The following CDH4 variants were observed in gnomAD, a reference collection of about 807,000 sequenced individuals.
CDH4 encodes the protein cadherin 4.
In CDH4, 33 loss-of-function variants were observed where a neutral mutation model predicts 86.0. That is an observed-to-expected ratio of 0.38 (90% CI 0.29 to 0.51). The LOEUF is 0.51. Ranked by LOEUF, CDH4 falls within the 20% of genes least tolerant of loss-of-function variation. The pLI is 0.86. For synonymous variants in CDH4, 555 were observed against 549.4 expected (o/e 1.01, Z -0.14); for missense variants, 1,114 against 1,307.4 (o/e 0.85, Z 2.28).
rs1383980478 is a variant in CDH4 at position 61,515,887 on chromosome 20, T to C, written c.170-227676T>C. The stretch of plus-strand genomic sequence containing the variant: ...CTCATTTGCTCGCTCGCTCTCTGTT[T>C]CCCGCGTGGCTTGCCCAGTTCCCCT... On this transcript the variant is annotated intron_variant, in intron 2 of 15. Coordinates refer to ENST00000614565, the MANE Select transcript of CDH4 (RefSeq NM_001794.5). 3.3e-5 allele frequency among the ~76,000 whole-genome samples: 5 copies of C among 152,188 alleles called. No homozygotes were observed. The East Asian group carries it at 7.7e-4, about 23-fold the overall frequency.
chr20:61,593,145 T>C (rs2086530246), intron 2 of CDH4, among the ~76,000 whole-genome samples: 1 of 152,212 alleles, frequency 6.6e-6, no homozygotes, highest in East Asian at 1.9e-4. Context: ...CGGTAATGCT[T>C]GTGTGTCAGT....
chr20:61,896,263 G>A (rs1016413979), intron 8 of CDH4, among the ~76,000 whole-genome samples: 2 of 152,188 alleles, frequency 1.3e-5, no homozygotes, highest in African/African-American at 4.8e-5. Flanking sequence ...GGCTAAGAGG[G>A]AGAGGGGAAG....
intron 3 of CDH4, among the ~76,000 whole-genome samples, chr20:61,761,940 G>A (rs190494090): frequency 1.9e-4 from 29 of 152,124 alleles, no homozygotes; most frequent in Admixed American, 1.8e-3. Context: ...AGGCAGCGCC[G>A]CACGGCAGGC....
chr20:61,301,067 C>T (rs532225001), intron 2 of CDH4, among the ~76,000 whole-genome samples: 11 of 152,354 alleles, frequency 7.2e-5, no homozygotes, highest in Middle Eastern at 3.4e-3. Flanking sequence ...GCAGTGTGCC[C>T]GGGGCTGCGC....
At chr20:61,370,838 A>C (rs2084836052) in intron 2 of CDH4, 1 of 152,178 alleles carries the variant, frequency 6.6e-6, no homozygotes, top group Non-Finnish European at 1.5e-5. Flanking sequence ...ATGCGAAATT[A>C]AAGTTGTGCA....
intron 5 of CDH4, among the ~76,000 whole-genome samples, chr20:61,848,834 C>G (rs778435924): frequency 6.6e-6 from 1 of 152,122 alleles, no homozygotes; most frequent in Non-Finnish European, 1.5e-5. Context: ...AGCCCACGTT[C>G]CTGTCTATTT....
intron 4 of CDH4, among the ~76,000 whole-genome samples, chr20:61,837,514 G>C (rs1418448543): frequency 6.6e-6 from 1 of 152,202 alleles, no homozygotes; most frequent in Non-Finnish European, 1.5e-5. Context: ...CTGTGAGATG[G>C]TCAGGTGGGG....
At chr20:61,559,519 C>CTTTTTTTTTTTTTTTTTTTTT (rs1156864328) in intron 2 of CDH4, among the ~76,000 whole-genome samples, 3 of 105,176 alleles carry the variant, frequency 2.9e-5, no homozygotes, top group African/African-American at 8.4e-5. Flanking sequence ...ATTTTTTTTT[C>CTTTTTTTTTTTTTTTTTTTTT]TTTTTTTTTT....
chr20:61,666,284 G>A (rs772249682), intron 2 of CDH4, among the ~76,000 whole-genome samples: 20 of 152,236 alleles, frequency 1.3e-4, no homozygotes, highest in Admixed American at 2.6e-4. Flanking sequence ...CACGGTGCCT[G>A]GAGCTGGGGA....
rs528029478 is a variant in CDH4 at position 61,656,547 on chromosome 20, G to A, written c.170-87016G>A. ...GTCAGGTGTGTGGCTGTTGTGGGGC[G>A]CAGCCTCCCCTGGCTGAGGCGTGGG... On this transcript the variant is annotated intron_variant, in intron 2 of 15. Coordinates refer to ENST00000614565, the MANE Select transcript of CDH4 (RefSeq NM_001794.5). Among the ~76,000 whole-genome samples the A allele has an allele frequency of 5.3e-3, 812 of 152,194 alleles. 3 individuals are homozygous for A. Among genetic ancestry groups the A allele is most frequent in the African/African-American group, 0.019 (776 of 41,518 alleles).
intron 2 of CDH4, among the ~76,000 whole-genome samples, chr20:61,340,726 A>T (rs558525516): frequency 3.9e-5 from 6 of 152,092 alleles, no homozygotes; most frequent in East Asian, 3.9e-4. Flanking sequence ...CTGGGACCAC[A>T]GGCACACACC....
Position 61,514,118 on chromosome 20 carries a change from A to G in CDH4, c.170-229445A>G, listed in dbSNP as rs1467695. On this transcript the variant is annotated intron_variant, in intron 2 of 15. Coordinates refer to ENST00000614565, the MANE Select transcript of CDH4 (RefSeq NM_001794.5). ...TATGTGGCTTAAAAAGGACATCTTGAAGTGAGGGCTGACAGGTCATAGGTG... is the reference window on the plus strand; with the variant it reads ...TATGTGGCTTAAAAAGGACATCTTGGAGTGAGGGCTGACAGGTCATAGGTG... 2.0e-4 allele frequency among the ~76,000 whole-genome samples: 31 copies of G among 152,332 alleles called. No individual in the cohort carries two copies. In the East Asian group the frequency reaches 5.4e-3, roughly 27 times the overall value.
At position 61,293,925 on chromosome 20, in the gene CDH4, A is replaced by G. The variant is rs368509863; in HGVS notation, c.169+38988A>G. 2.0e-4 allele frequency among the ~76,000 whole-genome samples: 30 copies of G among 152,166 alleles called. No homozygotes were observed. In the East Asian group the frequency reaches 4.5e-3, roughly 23 times the overall value. On this transcript the variant is annotated intron_variant, in intron 2 of 15. Coordinates refer to ENST00000614565, the MANE Select transcript of CDH4 (RefSeq NM_001794.5). ...TGCGGGTCCACTTTGTGGTCTGGAC[A>G]TGCCCGTAGGCACAGGGAAGCTGGT...
rs1006764629 is a variant in CDH4 at position 61,516,961 on chromosome 20, G to A, written c.170-226602G>A. ...TAACATGGGGTGTTTTCAATGTATT[G>A]GGATGTCATGCACGCCCTGAAAAAT... is the stretch of plus-strand genomic sequence containing the variant. On this transcript the variant is annotated intron_variant, in intron 2 of 15. Transcript: ENST00000614565. The surrounding 1 kb of genome is among the most constrained non-coding windows in gnomAD (Gnocchi z 4.0). 6.6e-6 allele frequency among the ~76,000 whole-genome samples: 1 copy of A among 152,214 alleles called. No individual in the cohort carries two copies. Among genetic ancestry groups the A allele is most frequent in the East Asian group, 1.9e-4 (1 of 5,166 alleles).
intron 2 of CDH4, among the ~76,000 whole-genome samples, chr20:61,629,744 C>T (rs543665714): frequency 6.6e-6 from 1 of 152,318 alleles, no homozygotes; most frequent in East Asian, 1.9e-4. Flanking sequence ...AAAACTGTCC[C>T]ACGCGGCTCC....
intron 2 of CDH4, among the ~76,000 whole-genome samples, chr20:61,734,803 A>G (rs574375669): frequency 1.8e-4 from 28 of 152,300 alleles, no homozygotes; most frequent in Middle Eastern, 6.8e-3. Context: ...GTCCCCACCC[A>G]GCACGTGGAC....
chr20:61,473,785 ACT>A (rs2085519517), intron 2 of CDH4, among the ~76,000 whole-genome samples: 2 of 151,994 alleles, frequency 1.3e-5, no homozygotes, highest in Admixed American at 1.3e-4. Flanking sequence ...ACACACACAC[ACT>A]CAGACACTCA....
chr20:61,611,897 G>T (rs1164832680), intron 2 of CDH4, among the ~76,000 whole-genome samples: 1 of 152,228 alleles, frequency 6.6e-6, no homozygotes, highest in East Asian at 1.9e-4. Flanking sequence ...AGAGAGACTT[G>T]TGACTGTGGA....
At chr20:61,288,040 T>C (rs139518489) in intron 2 of CDH4, among the ~76,000 whole-genome samples, 2 of 152,268 alleles carry the variant, frequency 1.3e-5, no homozygotes, top group Admixed American at 1.3e-4. Flanking sequence ...GCCAACAGGA[T>C]TTGGTAGAAC....
Sources: gnomAD v4.1 joint callset for allele counts (sites outside exome capture counted in the v4.1 genomes callset) on GRCh38, gnomAD v4.1.1 for gene constraint, Gnocchi (gnomAD v3.1) non-coding constraint, MANE v1.5 for transcripts, NCBI Gene and HGNC (gene_info 2026-07-23, HGNC 2026-07-21) for gene names.